The following SLCO4C1 variants were observed in gnomAD, a reference collection of about 807,000 sequenced individuals.
SLCO4C1 encodes organic anion transporter M1.
SLCO4C1 carries 58 observed loss-of-function variants against 72.1 expected under a neutral mutation model. The observed-to-expected ratio is 0.80, with a 90% CI of 0.65 to 1.00. The LOEUF (loss-of-function observed/expected upper bound fraction) is 1.00. Ranked by LOEUF, SLCO4C1 falls within the 50% of genes least tolerant of loss-of-function variation. The probability of loss-of-function intolerance (pLI) is 0.00; values close to 1 mark genes in which losing one functional copy is unlikely to be tolerated. For synonymous variants in SLCO4C1, 297 were observed against 312.5 expected, an observed-to-expected ratio of 0.95 and a Z score of 0.52; for missense variants, 898 against 857.9, an observed-to-expected ratio of 1.05 and a Z score of -0.58.
chr5:102,247,958 T>G (rs924028100), intron 9 of SLCO4C1, among the ~76,000 whole-genome samples: 2 of 141,042 alleles, frequency 1.4e-5, no homozygotes, highest in Non-Finnish European at 3.0e-5. Context: ...AAAGCCATTC[T>G]AAGACCACTG....
intron 6 of SLCO4C1, among the ~76,000 whole-genome samples, chr5:102,258,941 GAGA>G (rs1410074106): frequency 6.6e-6 from 1 of 151,798 alleles, no homozygotes; most frequent in African/African-American, 2.4e-5. Context: ...ATCAAATCTT[GAGA>G]AGAATTAATG....
intron 8 of SLCO4C1, among the ~76,000 whole-genome samples, chr5:102,256,455 A>G (rs1230336205): frequency 6.6e-6 from 1 of 152,210 alleles, no homozygotes; most frequent in Admixed American, 6.5e-5. Context: ...TAATGAAACA[A>G]TTAAAGCAGC....
Position 102,257,971 on chromosome 5 carries a change from C to T in SLCO4C1, c.1245G>A (p.Leu415=), listed in dbSNP as rs1398970969. 1 of 1,605,486 alleles carries T rather than the reference C, an allele frequency of 6.2e-7. No homozygotes were observed. Among genetic ancestry groups the T allele is most frequent in the Non-Finnish European group, 8.5e-7 (1 of 1,177,332 alleles). The change falls in exon 7 of 13, where the codon TTG becomes TTA. Residue 415 remains leucine (L), a synonymous_variant. Coordinates refer to ENST00000310954, the MANE Select transcript of SLCO4C1 (RefSeq NM_180991.5). ...CAAGAGTAGCTGCGAAGCTGGATGT[C>T]AATCCGAATTGATTTTCTATAAATT... ...LPKFIENQFG[L]TSSFAATLGG... is the part of the protein sequence containing the mutation.
chr5:102,243,398 A>C (rs1748582321), intron 10 of SLCO4C1, among the ~76,000 whole-genome samples: 1 of 152,214 alleles, frequency 6.6e-6, no homozygotes, highest in South Asian at 2.1e-4. Context: ...GAAAAGACCC[A>C]AAACTGTGCT....
chr5:102,254,820 T>C (rs1196524016), intron 8 of SLCO4C1, among the ~76,000 whole-genome samples: 1 of 152,200 alleles, frequency 6.6e-6, no homozygotes, highest in Non-Finnish European at 1.5e-5. Context: ...AAAACCAAAA[T>C]ATCCACTTGA....
intron 6 of SLCO4C1, 21 bp downstream of exon 6, chr5:102,260,190 GAC>G: frequency 1.0e-6 from 1 of 964,048 alleles, no homozygotes; most frequent in South Asian, 3.1e-5. Context: ...CTGAGAGAGA[GAC>G]AGAGAAGAAT....
intron 3 of SLCO4C1, 125 bp from the exon 4 acceptor site, chr5:102,263,905 AT>A: frequency 1.5e-6 from 1 of 657,002 alleles, no homozygotes; most frequent in Non-Finnish European, 2.6e-6. Flanking sequence ...AATCACACAT[AT>A]TTTCACTAAA....
At chr5:102,256,739 T>C (rs1355724462) in intron 8 of SLCO4C1, among the ~76,000 whole-genome samples, 2 of 152,222 alleles carry the variant, frequency 1.3e-5, no homozygotes, top group Non-Finnish European at 2.9e-5. Flanking sequence ...CCTAATAAGA[T>C]AATTTTTATC....
rs753271934 is a variant in SLCO4C1, at chr5:102,261,894, T to A, written c.1021+18A>T. 1 of 1,603,766 alleles carries A rather than the reference T, an allele frequency of 6.2e-7. No homozygotes were observed. The highest frequency in any genetic ancestry group is 1.3e-5 in the African/African-American group (1 of 74,108). On this transcript the variant is annotated intron_variant, in intron 5 of 12. Transcript: ENST00000310954. ...CAATTAAAATAAACCTCTCTGGTTT[T>A]AAAGAAAGCATGTTTACCTGGTAAA... is the stretch of plus-strand genomic sequence containing the variant.
intron 2 of SLCO4C1, among the ~76,000 whole-genome samples, chr5:102,275,120 T>C (rs1749225178): frequency 6.9e-6 from 1 of 145,748 alleles, no homozygotes; most frequent in South Asian, 2.1e-4. Flanking sequence ...ATGATTTATA[T>C]AAATAAATGA....
intron 1 of SLCO4C1, among the ~76,000 whole-genome samples, chr5:102,295,604 A>C (rs967187774): frequency 1.1e-4 from 17 of 152,364 alleles, no homozygotes; most frequent in Middle Eastern, 3.4e-3. Context: ...TCCCAAAGGA[A>C]GGTTCTTGTA....
At chr5:102,279,683 C>G (rs980354493) in intron 2 of SLCO4C1, among the ~76,000 whole-genome samples, 1 of 151,796 alleles carries the variant, frequency 6.6e-6, no homozygotes, top group African/African-American at 2.4e-5. Context: ...CAAAATAGTA[C>G]CAAACAGAAT....
At position 102,236,886 on chromosome 5, in the gene SLCO4C1, T is replaced by C. The variant is rs1325692018; in HGVS notation, c.2147A>G (p.Asp716Gly). The change falls in exon 13 of 13, where the codon GAT becomes GGT. Residue 716 changes from aspartate (D) to glycine (G), a missense_variant. Asp to Gly is a moderately conservative substitution (Grantham distance 94). Transcript: ENST00000310954. The stretch of plus-strand genomic sequence containing the variant: ...CCCTTCTTTTACTATTTTGTTGAGA[T>C]CCTGTTCTGCTAAAACATTAGTCAC... The part of the protein sequence containing the change: ...AVVTNVLAEQ[D>G]LNKIVKEG 16 of 1,612,828 alleles carry C rather than the reference T, an allele frequency of 9.9e-6. No individual in the cohort carries two copies.
chr5:102,257,335 T>G (rs1446059651), intron 7 of SLCO4C1, 25 bp from the exon 8 acceptor site: 2 of 1,552,804 alleles, frequency 1.3e-6, no homozygotes, highest in African/African-American at 2.8e-5. Flanking sequence ...GAATGTAGAT[T>G]GTGAGAAACC....
chr5:102,276,387 C>T (rs973866414), intron 2 of SLCO4C1, among the ~76,000 whole-genome samples: 1 of 152,148 alleles, frequency 6.6e-6, no homozygotes, highest in Non-Finnish European at 1.5e-5. Context: ...TTAGCCCCAG[C>T]GGTGGTCTGC....
chr5:102,237,184 T>C (rs1370592111), intron 12 of SLCO4C1, among the ~76,000 whole-genome samples, 166 bp from the exon 13 acceptor site: 1 of 152,192 alleles, frequency 6.6e-6, no homozygotes, highest in African/African-American at 2.4e-5. Flanking sequence ...GAAAAAACAT[T>C]TGTATACAAT....
chr5:102,238,332 T>C (rs1056027732), intron 12 of SLCO4C1, among the ~76,000 whole-genome samples: 1 of 152,168 alleles, frequency 6.6e-6, no homozygotes, highest in Admixed American at 6.5e-5. Context: ...TAAAAATATA[T>C]AATTTTAAAA....
Position 102,260,334 on chromosome 5 carries a change from TATATATATATATA to T in SLCO4C1, c.1022-28_1022-16del. 3.1e-6 allele frequency: 1 copy of T among 319,928 alleles called. No individual in the cohort carries two copies. The highest frequency in any genetic ancestry group is 4.7e-6 in the Non-Finnish European group (1 of 210,674). The allele number at this position is 319,928 out of a possible 1,614,324, so 19.8% of individuals were successfully genotyped here. ...TTCTGCTGTACCTAAAAAAAAAATA[TATATATATATATA>T]ATATATATATTATACATATAATATA... On this transcript the variant is annotated splice_polypyrimidine_tract_variant and intron_variant, in intron 5 of 12. Transcript: ENST00000310954.
At position 102,296,004 on chromosome 5, in the gene SLCO4C1, A is replaced by G. The variant is rs2112411985; in HGVS notation, c.259T>C (p.Ser87Pro). ...SLSLSEFEEG[S>P]YGWRNFHPQC... is the part of the protein sequence containing the mutation. ...GGATGGAAGTTCCTCCAGCCGTAAGACCCCTCCTCAAACTCGGACAGCGAC... is the reference window on the plus strand; with the variant it reads ...GGATGGAAGTTCCTCCAGCCGTAAGGCCCCTCCTCAAACTCGGACAGCGAC... The change falls in exon 1 of 13, where the codon TCT becomes CCT. Residue 87 changes from serine to proline, a missense_variant. Coordinates refer to ENST00000310954, the MANE Select transcript of SLCO4C1 (RefSeq NM_180991.5). 1 of 1,614,084 alleles carries G rather than the reference A, an allele frequency of 6.2e-7. No homozygotes were observed. The highest frequency in any genetic ancestry group is 1.7e-5 in the Admixed American group (1 of 60,010).
Sources: allele counts gnomAD v4.1 joint callset (sites outside exome capture counted in the v4.1 genomes callset), GRCh38; gene constraint gnomAD v4.1.1; transcripts MANE v1.5; gene names NCBI Gene and HGNC (gene_info 2026-07-23, HGNC 2026-07-21).